NAV1: variants seen among roughly 807,000 people sequenced by gnomAD.
NAV1 encodes neuron navigator 1.
In NAV1, 18 loss-of-function variants were observed where a neutral mutation model predicts 175.2. That is an observed-to-expected ratio of 0.10 (90% CI 0.07 to 0.15). The LOEUF (loss-of-function observed/expected upper bound fraction) is 0.15. NAV1 is among the 10% of genes least tolerant of loss of function. The pLI, the probability that NAV1 is intolerant of heterozygous loss-of-function variation, is 1.00. For missense variants in NAV1, 1,731 were observed against 2,436.6 expected, an observed-to-expected ratio of 0.71 and a Z score of 6.10; for synonymous variants, 897 against 978.7, an observed-to-expected ratio of 0.92 and a Z score of 1.56.
intron 1 of NAV1, among the ~76,000 whole-genome samples, chr1:201,676,200 G>A (rs1670241523): frequency 1.3e-5 from 2 of 152,178 alleles, no homozygotes; most frequent in Non-Finnish European, 2.9e-5. Flanking sequence ...CTGCAGAGAG[G>A]TCCTCCTGGA....
chr1:201,649,600 A>T (rs1669108508), intron 1 of NAV1, among the ~76,000 whole-genome samples, 175 bp downstream of exon 5: 1 of 152,200 alleles, frequency 6.6e-6, no homozygotes, highest in African/African-American at 2.4e-5. Context: ...CCACCTCCAG[A>T]TGCGCATGGC....
intron 2 of NAV1, among the ~76,000 whole-genome samples, chr1:201,611,433 T>A (rs974027315): frequency 6.6e-6 from 1 of 152,184 alleles, no homozygotes; most frequent in Non-Finnish European, 1.5e-5. Context: ...AAATGACTAT[T>A]GCAGTCCTGT....
At chr1:201,630,427 G>A (rs1194254325) in intron 2 of NAV1, among the ~76,000 whole-genome samples, 1 of 152,212 alleles carries the variant, frequency 6.6e-6, no homozygotes, top group Non-Finnish European at 1.5e-5. Context: ...CCAAGCTGGG[G>A]CTTAGAACAC....
In NAV1 at chr1:201,718,932, TTC is replaced by T. The variant is rs2102486165; in HGVS notation, c.1226+179_1226+180del. Among the ~76,000 whole-genome samples the T allele has an allele frequency of 6.6e-6, 1 of 152,204 alleles. No individual in the cohort carries two copies. Among genetic ancestry groups the T allele is most frequent in the African/African-American group, 2.4e-5 (1 of 41,518 alleles). Reference sequence around the variant, plus strand: ...TGCCTCTGAAATTCGATGTGGTTTATTCTAGACTTGGGTGTGGTGTAGGCAGG... The same window carrying T: ...TGCCTCTGAAATTCGATGTGGTTTATTAGACTTGGGTGTGGTGTAGGCAGG... On this transcript the variant is annotated intron_variant, in intron 3 of 29. Transcript: ENST00000367296. This position sits in a 1 kb window ranked among gnomAD's most constrained non-coding sequence, Gnocchi z 4.8.
upstream of NAV1, among the ~76,000 whole-genome samples, chr1:201,644,510 G>A (rs1668911095): frequency 6.6e-6 from 1 of 152,194 alleles, no homozygotes; most frequent in Non-Finnish European, 1.5e-5. Context: ...CTTCCTGGAT[G>A]CCAAGATGGC....
At chr1:201,715,719 G>T (rs1305492585) in intron 2 of NAV1, among the ~76,000 whole-genome samples, 1 of 152,236 alleles carries the variant, frequency 6.6e-6, no homozygotes, top group African/African-American at 2.4e-5. Context: ...ATGGTCCAGT[G>T]TGTGCTTCCT....
chr1:201,813,222 T>A lies in NAV1; in HGVS notation c.5304T>A (p.Ile1768=), dbSNP rs577299734. Reference sequence around the variant, plus strand: ...TTGACCTGTGGAACAACTCTATCATTCCCTATCTACAGGAAGGAGCCAAGG... The same window carrying A: ...TTGACCTGTGGAACAACTCTATCATACCCTATCTACAGGAAGGAGCCAAGG... The change falls in exon 28 of 30, where the codon ATT becomes ATA. Residue 1768 remains isoleucine, a synonymous_variant. Transcript: ENST00000367296. This position sits in a 1 kb window ranked among gnomAD's most constrained non-coding sequence, Gnocchi z 4.2. The A allele has an allele frequency of 6.2e-7, 1 of 1,613,978 alleles. No individual in the cohort carries two copies. The highest frequency in any genetic ancestry group is 1.3e-5 in the African/African-American group (1 of 75,004).
intron 1 of NAV1, among the ~76,000 whole-genome samples, chr1:201,656,946 C>T (rs1030545898): frequency 6.6e-6 from 1 of 152,192 alleles, no homozygotes; most frequent in Admixed American, 6.5e-5. Context: ...TGGTGACCCA[C>T]TAACCAGGCC....
At chr1:201,715,907 GC>G in intron 2 of NAV1, among the ~76,000 whole-genome samples, 1 of 152,272 alleles carries the variant, frequency 6.6e-6, no homozygotes, top group Middle Eastern at 3.4e-3. Context: ...AGAAAGGCAA[GC>G]CTGAAGGGTG....
At chr1:201,797,321 T>C (rs1027245159) in intron 15 of NAV1, 6 of 152,246 alleles carry the variant, frequency 3.9e-5, no homozygotes, top group Non-Finnish European at 7.3e-5. Flanking sequence ...CTTTCAGTTC[T>C]ATTCCATTCT....
At chr1:201,578,854 C>T (rs577850781) in intron 1 of NAV1, among the ~76,000 whole-genome samples, 16 of 152,180 alleles carry the variant, frequency 1.1e-4, no homozygotes, top group African/African-American at 2.9e-4. Flanking sequence ...TTTTCTGGTC[C>T]GGGCATGGTG....
intron 4 of NAV1, among the ~76,000 whole-genome samples, 169 bp downstream of exon 8, chr1:201,780,728 A>G: frequency 6.6e-6 from 1 of 150,926 alleles, no homozygotes; most frequent in African/African-American, 2.4e-5. Context: ...AAAAAAAGCT[A>G]AGGCTACTCA....
intron 1 of NAV1, among the ~76,000 whole-genome samples, chr1:201,573,258 G>T (rs1558002604): frequency 6.6e-6 from 1 of 152,212 alleles, no homozygotes; most frequent in Non-Finnish European, 1.5e-5. Context: ...ACCCTGGAGT[G>T]CTGATTTCAC....
At position 201,794,537 on chromosome 1, in the gene NAV1, C is replaced by G. The variant is rs138771197; in HGVS notation, c.3477C>G (p.Val1159=). The change falls in exon 15 of 30, where the codon GTC becomes GTG. Residue 1159 remains valine, a synonymous_variant. Coordinates refer to ENST00000367296, the Ensembl canonical transcript of NAV1. ...AAAAGAACTCTGAGGCCCAGGCAGT[C>G]ATTCAGGGAGCCCTTAATGCCTCAG... The G allele has an allele frequency of 1.1e-4, 182 of 1,613,948 alleles. 2 individuals are homozygous for G. The East Asian group carries it at 4.0e-3, about 35-fold the overall frequency.
upstream of NAV1, among the ~76,000 whole-genome samples, chr1:201,645,777 A>G (rs1314497254): frequency 6.6e-6 from 1 of 152,194 alleles, no homozygotes; most frequent in Non-Finnish European, 1.5e-5. Context: ...TACATGCAGA[A>G]AGAGGATATA....
chr1:201,707,401 C>A (rs971878518), intron 1 of NAV1, among the ~76,000 whole-genome samples: 6 of 152,190 alleles, frequency 3.9e-5, no homozygotes, highest in African/African-American at 1.2e-4. Flanking sequence ...TGAATTAGCT[C>A]TTTAAGCCTC....
chr1:201,704,000 T>C (rs1486915030), intron 1 of NAV1, among the ~76,000 whole-genome samples: 1 of 152,204 alleles, frequency 6.6e-6, no homozygotes, highest in Non-Finnish European at 1.5e-5. Context: ...AAAGGCCAGC[T>C]GGAGCCTCTT....
At chr1:201,779,702 C>G (rs566023975) in intron 3 of NAV1, among the ~76,000 whole-genome samples, 1 of 150,992 alleles carries the variant, frequency 6.6e-6, no homozygotes, top group East Asian at 1.9e-4. Context: ...CATGAAGTAG[C>G]GTTTTTGGAT....
intron 2 of NAV1, among the ~76,000 whole-genome samples, chr1:201,602,791 G>A (rs1667562734): frequency 6.6e-6 from 1 of 151,858 alleles, no homozygotes; most frequent in Non-Finnish European, 1.5e-5. Flanking sequence ...CTGGAAACCA[G>A]CTACCCCTCA....
Sources: gnomAD v4.1 joint callset for allele counts (sites outside exome capture counted in the v4.1 genomes callset) on GRCh38, gnomAD v4.1.1 for gene constraint, Gnocchi (gnomAD v3.1) non-coding constraint, MANE v1.5 for transcripts, NCBI Gene and HGNC (gene_info 2026-07-23, HGNC 2026-07-21) for gene names.